Variants in CLNK observed in about 807,000 individuals in gnomAD.
The protein encoded by CLNK is cytokine-dependent hematopoietic cell linker.
In CLNK, 74 loss-of-function variants were observed where a neutral mutation model predicts 68.6. The ratio of observed to expected loss-of-function variants is 1.08; its 90% CI spans 0.89 to 1.31. The LOEUF is 1.31. Among genes scored for constraint, CLNK ranks in the 50% most tolerant of loss-of-function variants. CLNK has a pLI of 0.00. For missense variants in CLNK, 553 were observed against 515.3 expected (o/e 1.07, Z -0.71); for synonymous variants, 198 against 172.2 (o/e 1.15, Z -1.17).
intron 1 of CLNK, among the ~76,000 whole-genome samples, chr4:10,670,608 G>A (rs767220635): frequency 3.9e-5 from 6 of 152,218 alleles, no homozygotes; most frequent in Non-Finnish European, 5.9e-5. Context: ...GCAGCTTTGA[G>A]TAAGGCATTG....
intron 8 of CLNK, among the ~76,000 whole-genome samples, chr4:10,550,413 T>C (rs1719400915): frequency 6.6e-6 from 1 of 152,106 alleles, no homozygotes; most frequent in African/African-American, 2.4e-5. Context: ...GAGAATGGTG[T>C]GAACCCGGGA....
intron 2 of CLNK, among the ~76,000 whole-genome samples, chr4:10,645,931 T>A (rs1455776601): frequency 6.6e-6 from 1 of 152,184 alleles, no homozygotes; most frequent in African/African-American, 2.4e-5. Context: ...TCTATTTATG[T>A]ATCCAAGTAG....
the CLNK span, among the ~76,000 whole-genome samples, chr4:10,699,466 GTCTCTCTC>G: frequency 2.2e-3 from 134 of 60,528 alleles, 5 homozygotes; most frequent in Middle Eastern, 0.025. Context: ...CATCCTCTCT[GTCTCTCTC>G]TCTCTCTCTC....
chr4:10,612,702 G>T (rs546147102), intron 2 of CLNK, among the ~76,000 whole-genome samples: 1 of 152,152 alleles, frequency 6.6e-6, no homozygotes, highest in Non-Finnish European at 1.5e-5. Flanking sequence ...GAGCTCTGGG[G>T]TGTGGCAGAT....
chr4:10,589,363 A>ACAATT (rs1425153586), intron 3 of CLNK, among the ~76,000 whole-genome samples: 2 of 152,114 alleles, frequency 1.3e-5, no homozygotes, highest in Non-Finnish European at 2.9e-5. Context: ...CTTGTCTGGG[A>ACAATT]GCTTCCTCCC....
intron 8 of CLNK, among the ~76,000 whole-genome samples, chr4:10,555,885 G>A (rs1254029515): frequency 3.9e-5 from 6 of 152,090 alleles, no homozygotes; most frequent in Admixed American, 3.9e-4. Context: ...TTCCAGCCTT[G>A]TTCTAGATAT....
At chr4:10,732,234 T>C in the CLNK span, among the ~76,000 whole-genome samples, 8 of 152,316 alleles carry the variant, frequency 5.3e-5, no homozygotes, top group African/African-American at 1.9e-4. Context: ...TCATAAAATG[T>C]CTGAAAATTT....
intron 4 of CLNK, among the ~76,000 whole-genome samples, chr4:10,578,849 G>C (rs1720674869): frequency 6.6e-6 from 1 of 152,092 alleles, no homozygotes; most frequent in South Asian, 2.1e-4. Context: ...TGGCATTACA[G>C]GTGTGCGCCA....
At chr4:10,584,659 C>T (rs1340257046) in intron 4 of CLNK, among the ~76,000 whole-genome samples, 1 of 152,158 alleles carries the variant, frequency 6.6e-6, no homozygotes, top group Middle Eastern at 3.2e-3. Flanking sequence ...TGAAGGAACT[C>T]AGGCTCAGAA....
the CLNK span, among the ~76,000 whole-genome samples, chr4:10,732,046 C>T: frequency 6.6e-6 from 1 of 152,282 alleles, no homozygotes; most frequent in African/African-American, 2.4e-5. Context: ...AAGACAAGTG[C>T]AGTAGCCACC....
chr4:10,489,316 G>T lies in CLNK; in HGVS notation c.*1151C>A, dbSNP rs533578316. 1 of 152,304 alleles carries T rather than the reference G, an allele frequency of 6.6e-6. No individual in the cohort carries two copies. The highest frequency in any genetic ancestry group is 2.4e-5 in the African/African-American group (1 of 41,570). The allele number at this position is 152,304 out of a possible 1,614,324, so 9.4% of individuals were successfully genotyped here. On this transcript the variant is annotated 3_prime_UTR_variant, in exon 19 of 19. Transcript: ENST00000226951. ...CATGGCCTGTGCAACGTTACTGCAA[G>T]AATTAGCACTAATTTGAGGACAGTT...
At chr4:10,622,209 G>A (rs779791833) in intron 2 of CLNK, among the ~76,000 whole-genome samples, 1 of 152,156 alleles carries the variant, frequency 6.6e-6, no homozygotes, top group East Asian at 1.9e-4. Flanking sequence ...GGCATAGCCA[G>A]CCTGGAACCA....
At chr4:10,614,196 T>C (rs1044986235) in intron 2 of CLNK, among the ~76,000 whole-genome samples, 1 of 152,238 alleles carries the variant, frequency 6.6e-6, no homozygotes, top group Non-Finnish European at 1.5e-5. Flanking sequence ...GATGTCTGCA[T>C]GGAGCCTGCT....
At chr4:10,573,577 C>T (rs1341857790) in intron 4 of CLNK, among the ~76,000 whole-genome samples, 1 of 152,142 alleles carries the variant, frequency 6.6e-6, no homozygotes, top group African/African-American at 2.4e-5. Context: ...CATTAAAGAC[C>T]AGCTGGCCCG....
At chr4:10,538,013 G>C (rs1443901942) in intron 11 of CLNK, among the ~76,000 whole-genome samples, 1 of 151,880 alleles carries the variant, frequency 6.6e-6, no homozygotes, top group African/African-American at 2.4e-5. Flanking sequence ...CATTGCTACT[G>C]GGTCCCAAGA....
At chr4:10,651,959 T>C (rs1298473358) in intron 2 of CLNK, among the ~76,000 whole-genome samples, 1 of 149,878 alleles carries the variant, frequency 6.7e-6, no homozygotes, top group Non-Finnish European at 1.5e-5. Context: ...CATACATATA[T>C]GCACACAAAC....
chr4:10,512,427 C>T (rs1208548107), intron 16 of CLNK, among the ~76,000 whole-genome samples: 2 of 151,886 alleles, frequency 1.3e-5, no homozygotes, highest in Non-Finnish European at 2.9e-5. Context: ...GATAGAGTTT[C>T]TCCATGTTGG....
chr4:10,610,485 C>A (rs1389514130), intron 2 of CLNK, among the ~76,000 whole-genome samples: 2 of 151,990 alleles, frequency 1.3e-5, no homozygotes, highest in Non-Finnish European at 1.5e-5. Flanking sequence ...CTTTTTCCCC[C>A]CTCTTCTTTT....
rs1724473980 is a variant in CLNK, at chr4:10,667,923, A to G, written c.-42-12T>C. On this transcript the variant is annotated splice_polypyrimidine_tract_variant and intron_variant, in intron 1 of 18. Coordinates refer to ENST00000226951, the MANE Select transcript of CLNK (RefSeq NM_052964.4). Reference sequence around the variant, plus strand: ...ATCTTCAATTCAGCCTGTGGAAACAAAAGCAAACGCGTTACTGGAACTTCC... The same window carrying G: ...ATCTTCAATTCAGCCTGTGGAAACAGAAGCAAACGCGTTACTGGAACTTCC... The G allele has an allele frequency of 8.8e-6, 13 of 1,474,172 alleles. No individual in the cohort carries two copies. Among genetic ancestry groups the G allele is most frequent in the Admixed American group, 2.0e-5 (1 of 50,942 alleles). 91.3% of individuals were successfully genotyped at this position (1,474,172 alleles called of 1,614,324 possible).
Sources: gnomAD v4.1 joint callset for allele counts (sites outside exome capture counted in the v4.1 genomes callset) on GRCh38, gnomAD v4.1.1 for gene constraint, MANE v1.5 for transcripts, NCBI Gene and HGNC (gene_info 2026-07-23, HGNC 2026-07-21) for gene names.